The following STOX2 variants were observed in gnomAD, a reference collection of about 807,000 sequenced individuals.
STOX2 encodes the protein storkhead box 2, also known as storkhead-box protein 2.
STOX2 carries 28 observed loss-of-function variants against 60.9 expected under a neutral mutation model. The ratio of observed to expected loss-of-function variants is 0.46; its 90% CI spans 0.34 to 0.63. The LOEUF is 0.63. Ranked by LOEUF, STOX2 falls within the 30% of genes least tolerant of loss-of-function variation. The pLI is 0.01. For synonymous variants in STOX2, 472 were observed against 463.9 expected (o/e 1.02, Z -0.22); for missense variants, 1,024 against 1,187.7 (o/e 0.86, Z 2.03).
intron 1 of STOX2, among the ~76,000 whole-genome samples, chr4:183,945,239 C>A (rs1318111457): frequency 6.6e-6 from 1 of 151,974 alleles, no homozygotes; most frequent in African/African-American, 2.4e-5. Flanking sequence ...AAAAATTTCT[C>A]CAAAAAGGGA....
At chr4:183,950,854 AT>A (rs1279410669) in intron 1 of STOX2, among the ~76,000 whole-genome samples, 1 of 152,108 alleles carries the variant, frequency 6.6e-6, no homozygotes, top group Non-Finnish European at 1.5e-5. Context: ...GGAGTTAGGG[AT>A]GTTCACTGGG....
intron 1 of STOX2, among the ~76,000 whole-genome samples, chr4:183,965,201 A>G (rs1332106990): frequency 3.3e-5 from 5 of 152,190 alleles, no homozygotes; most frequent in Non-Finnish European, 5.9e-5. Context: ...AATGGTGACA[A>G]GTGTGTAGGT....
chr4:183,817,277 T>C (rs1282785520), intron 1 of STOX2, among the ~76,000 whole-genome samples: 1 of 152,184 alleles, frequency 6.6e-6, no homozygotes, highest in South Asian at 2.1e-4. Context: ...AAAACCTCAG[T>C]CCTTACCAAC....
At chr4:183,872,541 C>G (rs1033435240) in intron 1 of STOX2, among the ~76,000 whole-genome samples, 2 of 151,970 alleles carry the variant, frequency 1.3e-5, no homozygotes, top group South Asian at 4.1e-4. Context: ...GCAGAAATAT[C>G]AAGGCTATGT....
intron 3 of STOX2, chr4:184,015,513 T>C (rs1246902167): frequency 9.5e-6 from 1 of 105,542 alleles, no homozygotes; most frequent in African/African-American, 2.5e-5. Flanking sequence ...TGTTTGTTTG[T>C]TTGTTTGTTT....
At chr4:183,931,585 G>A (rs1360639547) in intron 1 of STOX2, among the ~76,000 whole-genome samples, 1 of 152,166 alleles carries the variant, frequency 6.6e-6, no homozygotes, top group East Asian at 1.9e-4. Flanking sequence ...CTTAGATTAT[G>A]CAGACTATTG....
intron 1 of STOX2, among the ~76,000 whole-genome samples, chr4:183,852,380 A>G (rs71638104): frequency 1.3e-3 from 77 of 60,524 alleles, no homozygotes; most frequent in Middle Eastern, 0.013. Context: ...AAAGGATGAG[A>G]GAAAGGATGA....
At chr4:183,816,548 A>G (rs1560981) in intron 1 of STOX2, among the ~76,000 whole-genome samples, 15,395 of 152,184 alleles carry the variant, frequency 0.1, 2,522 homozygotes, top group African/African-American at 0.35. Flanking sequence ...TGAGTACTGT[A>G]TTCACTATTT....
intron 1 of STOX2, among the ~76,000 whole-genome samples, chr4:183,948,205 C>T (rs1291747343): frequency 3.9e-5 from 1 of 25,384 alleles, no homozygotes; most frequent in Non-Finnish European, 7.4e-5. Context: ...GCAACAAGAG[C>T]AAAACTCCAT....
chr4:183,996,586 G>A (rs934561930), intron 1 of STOX2, among the ~76,000 whole-genome samples: 6 of 152,132 alleles, frequency 3.9e-5, no homozygotes, highest in African/African-American at 1.2e-4. Flanking sequence ...TAGTTGGCTC[G>A]TTAAGCAGGT....
At chr4:183,809,335 G>A (rs1163958370) in intron 1 of STOX2, among the ~76,000 whole-genome samples, 9 of 152,166 alleles carry the variant, frequency 5.9e-5, no homozygotes, top group South Asian at 4.1e-4. Flanking sequence ...TGATCCTCTC[G>A]CCTTGGCCTC....
chr4:183,909,089 A>G (rs1267414829), intron 1 of STOX2, among the ~76,000 whole-genome samples: 1 of 152,214 alleles, frequency 6.6e-6, no homozygotes, highest in Non-Finnish European at 1.5e-5. Flanking sequence ...CATGATGACA[A>G]ACACCTACAA....
At chr4:183,876,722 A>C (rs931613911) in intron 1 of STOX2, among the ~76,000 whole-genome samples, 3 of 152,162 alleles carry the variant, frequency 2.0e-5, no homozygotes, top group African/African-American at 7.2e-5. Context: ...GGCCTGAGCC[A>C]AGTCGTTCAC....
In STOX2 at chr4:183,851,098, C is replaced by CGATGAGGGAAAGGATGAGGGAAAG. The variant is rs1740117238; in HGVS notation, c.364+53054_364+53055insGGATGAGGGAAAGGATGAGGGAAA. Among the ~76,000 whole-genome samples the CGATGAGGGAAAGGATGAGGGAAAG allele has an allele frequency of 3.3e-4, 4 of 12,108 alleles. 1 individual carries two copies. Among genetic ancestry groups the CGATGAGGGAAAGGATGAGGGAAAG allele is most frequent in the Non-Finnish European group, 3.1e-4 (2 of 6,362 alleles). The allele number at this position is 12,108 out of a possible 152,430, so 7.9% of individuals were successfully genotyped here. On this transcript the variant is annotated intron_variant, in intron 1 of 2. Coordinates refer to the STOX2 transcript ENST00000513034. ...AGGATGAGAGAAAGGATGAGGGAAA[C>CGATGAGGGAAAGGATGAGGGAAAG]GATGAGGGAAACGATGAGGGAAAGG...
At position 183,825,733 on chromosome 4, in the gene STOX2, G is replaced by A. The variant is rs752398522; in HGVS notation, c.364+27678G>A. Among the ~76,000 whole-genome samples, 1 of 134,662 alleles carries A rather than the reference G, an allele frequency of 7.4e-6. No individual in the cohort carries two copies. The highest frequency in any genetic ancestry group is 1.5e-5 in the Non-Finnish European group (1 of 67,852). The allele number at this position is 134,662 out of a possible 152,430, so 88.3% of individuals were successfully genotyped here. Reference sequence around the variant, plus strand: ...TAGTGGAGCAGGAGTCAGGGTCAGCGAGGTGGCTGGGGCTGGACTTTGCCG... The same window carrying A: ...TAGTGGAGCAGGAGTCAGGGTCAGCAAGGTGGCTGGGGCTGGACTTTGCCG... On this transcript the variant is annotated intron_variant, in intron 1 of 2. Transcript: ENST00000513034. The surrounding 1 kb of genome is among the most constrained non-coding windows in gnomAD (Gnocchi z 4.1).
intron 1 of STOX2, among the ~76,000 whole-genome samples, chr4:183,858,002 G>A (rs578147024): frequency 4.6e-5 from 7 of 152,256 alleles, no homozygotes; most frequent in Admixed American, 1.3e-4. Context: ...GGAGTAGAAG[G>A]ATGAGGGCAA....
rs1256634426 is a variant in STOX2 at position 184,011,173 on chromosome 4, G to A, written c.2335G>A (p.Asp779Asn). 1.3e-6 allele frequency: 2 copies of A among 1,588,024 alleles called. No individual in the cohort carries two copies. Among genetic ancestry groups the A allele is most frequent in the Admixed American group, 1.8e-5 (1 of 55,122 alleles). ...TTTTGACTATTACAACGTCTCTGATGATGACGACTCTGAGGAAGGGGCAAA... is the reference window on the plus strand; with the variant it reads ...TTTTGACTATTACAACGTCTCTGATAATGACGACTCTGAGGAAGGGGCAAA... ...ASFDYYNVSD[D>N]DDSEEGANKN... The change falls in exon 3 of 4, where the codon GAT becomes AAT. Residue 779 changes from aspartate (D) to asparagine (N), a missense_variant. Transcript: ENST00000308497. This position sits in a 1 kb window ranked among gnomAD's most constrained non-coding sequence, Gnocchi z 4.4.
chr4:184,017,514 T>C lies in STOX2; in HGVS notation c.*230T>C. 2.4e-6 allele frequency: 1 copy of C among 415,770 alleles called. No homozygotes were observed. Among genetic ancestry groups the C allele is most frequent in the South Asian group, 4.2e-5 (1 of 23,764 alleles). The allele number at this position is 415,770 out of a possible 1,614,324, so 25.8% of individuals were successfully genotyped here. On this transcript the variant is annotated 3_prime_UTR_variant, in exon 4 of 4. Transcript: ENST00000308497. ...ACTGAGTAACAGTAGGGGTGATATG[T>C]ATACTTTTGCTTCACTAATTGTATC...
rs1740293098 is a variant in STOX2 at position 183,856,665 on chromosome 4, C to T, written c.364+58610C>T. On this transcript the variant is annotated intron_variant, in intron 1 of 2. Coordinates refer to the STOX2 transcript ENST00000513034. The surrounding 1 kb of genome is among the most constrained non-coding windows in gnomAD (Gnocchi z 4.0). ...TGCAGTTAGCTGTCTCGGACTCGGA[C>T]CCCGGGGGATGATAGCTCCCTTGCC... 6.6e-6 allele frequency among the ~76,000 whole-genome samples: 1 copy of T among 152,136 alleles called. No individual in the cohort carries two copies. The highest frequency in any genetic ancestry group is 2.4e-5 in the African/African-American group (1 of 41,426).
Sources: gnomAD v4.1 joint callset for allele counts (sites outside exome capture counted in the v4.1 genomes callset) on GRCh38, gnomAD v4.1.1 for gene constraint, Gnocchi (gnomAD v3.1) non-coding constraint, MANE v1.5 for transcripts, NCBI Gene and HGNC (gene_info 2026-07-23, HGNC 2026-07-21) for gene names.